The following HSD17B12 variants were observed in gnomAD, a reference collection of about 807,000 sequenced individuals.
HSD17B12 encodes the protein hydroxysteroid 17-beta dehydrogenase 12, also known as very-long-chain 3-oxoacyl-CoA reductase.
HSD17B12 carries 32 observed loss-of-function variants against 39.3 expected under a neutral mutation model. The observed-to-expected ratio is 0.81, with a 90% CI of 0.61 to 1.09. The LOEUF (loss-of-function observed/expected upper bound fraction) is 1.09. Among genes scored for constraint, HSD17B12 ranks in the 50% least tolerant of loss-of-function variants. The pLI, the probability that HSD17B12 is intolerant of heterozygous loss-of-function variation, is 0.00. For missense variants in HSD17B12, 342 were observed against 382.9 expected (o/e 0.89, Z 0.89); for synonymous variants, 150 against 146.7 (o/e 1.02, Z -0.16).
the HSD17B12 span, among the ~76,000 whole-genome samples, chr11:43,567,908 G>A: frequency 1.3e-5 from 2 of 152,086 alleles, no homozygotes; most frequent in Non-Finnish European, 2.9e-5. Context: ...GACCCCCTTA[G>A]TGACCCTCAT....
chr11:43,654,735 G>A, the HSD17B12 span, among the ~76,000 whole-genome samples: 1 of 152,110 alleles, frequency 6.6e-6, no homozygotes, highest in Non-Finnish European at 1.5e-5. Context: ...TGAGGGCTCT[G>A]TTCTGTTCCA....
chr11:43,745,824 A>G (rs1950407088), intron 1 of HSD17B12, among the ~76,000 whole-genome samples: 1 of 152,050 alleles, frequency 6.6e-6, no homozygotes, highest in South Asian at 2.1e-4. Flanking sequence ...TGAGGTTATG[A>G]GTTCAACATA....
chr11:43,678,047 C>A (rs1056297333), upstream of HSD17B12, among the ~76,000 whole-genome samples: 1 of 152,188 alleles, frequency 6.6e-6, no homozygotes, highest in Non-Finnish European at 1.5e-5. Flanking sequence ...ACAGTCCCAC[C>A]AACAGTGTAA....
rs966316796 is a variant in HSD17B12 at position 43,719,217 on chromosome 11, G to A, written c.161-31694G>A. 10 of 647,464 alleles carry A rather than the reference G, an allele frequency of 1.5e-5. No homozygotes were observed. In the African/African-American group the frequency reaches 1.6e-4, roughly 10 times the overall value. The allele number at this position is 647,464 out of a possible 1,614,324, so 40.1% of individuals were successfully genotyped here. On this transcript the variant is annotated intron_variant, in intron 1 of 10. Coordinates refer to ENST00000278353, the MANE Select transcript of HSD17B12 (RefSeq NM_016142.3). The stretch of plus-strand genomic sequence containing the variant: ...CATATACATGCCTCTGTCAATTTCT[G>A]GTTGGGCTGGGAGGCCATATACAGG...
At chr11:43,654,164 C>T in the HSD17B12 span, among the ~76,000 whole-genome samples, 20 of 152,272 alleles carry the variant, frequency 1.3e-4, no homozygotes, top group African/African-American at 3.6e-4. Context: ...AGCATTTTTT[C>T]ATGTGTTTTT....
chr11:43,648,975 G>A, the HSD17B12 span, among the ~76,000 whole-genome samples: 391 of 152,260 alleles, frequency 2.6e-3, no homozygotes, highest in Non-Finnish European at 4.5e-3. Flanking sequence ...CAGGCGTTCC[G>A]CCTGCCTCAG....
intron 1 of HSD17B12, among the ~76,000 whole-genome samples, chr11:43,725,405 A>G (rs913738453): frequency 4.6e-5 from 7 of 152,258 alleles, no homozygotes; most frequent in Admixed American, 2.0e-4. Flanking sequence ...TAATAACAGT[A>G]ATAACAATGA....
the HSD17B12 span, among the ~76,000 whole-genome samples, chr11:43,577,405 G>C: frequency 6.6e-6 from 1 of 152,214 alleles, no homozygotes; most frequent in Admixed American, 6.5e-5. Context: ...TAGATTCGAG[G>C]ATGAGCCAAG....
intron 1 of HSD17B12, among the ~76,000 whole-genome samples, chr11:43,706,456 T>C (rs1273356798): frequency 6.6e-6 from 1 of 152,116 alleles, no homozygotes; most frequent in Non-Finnish European, 1.5e-5. Context: ...GGTAGAAGCA[T>C]TGCTTGAACC....
At chr11:43,788,357 A>G (rs1471145841) in intron 3 of HSD17B12, among the ~76,000 whole-genome samples, 1 of 152,230 alleles carries the variant, frequency 6.6e-6, no homozygotes, top group Non-Finnish European at 1.5e-5. Context: ...ACATTGCCTC[A>G]TATGCAGAAC....
the HSD17B12 span, among the ~76,000 whole-genome samples, chr11:43,654,000 C>T: frequency 6.7e-6 from 1 of 149,372 alleles, no homozygotes; most frequent in Non-Finnish European, 1.5e-5. Flanking sequence ...AACTACTTTA[C>T]GGTCCCACCA....
chr11:43,647,967 T>C, the HSD17B12 span, among the ~76,000 whole-genome samples: 5 of 152,224 alleles, frequency 3.3e-5, no homozygotes, highest in East Asian at 9.6e-4. Flanking sequence ...GGATGATTTT[T>C]ATGGGTAGGA....
At chr11:43,598,471 T>C in the HSD17B12 span, among the ~76,000 whole-genome samples, 1 of 152,092 alleles carries the variant, frequency 6.6e-6, no homozygotes, top group Non-Finnish European at 1.5e-5. Flanking sequence ...CCCATTTCTG[T>C]CCACGCGAGT....
Position 43,816,245 on chromosome 11 carries a change from T to C in HSD17B12, c.457-102T>C, listed in dbSNP as rs189180070. On this transcript the variant is annotated intron_variant, in intron 5 of 10. Transcript: ENST00000278353. ...TCATTTTTCCAAAATCTCTGCAATA[T>C]CTGGGGAAATGTTCAATGCTTCTCT... is the stretch of plus-strand genomic sequence containing the variant. The C allele has an allele frequency of 9.3e-6, 9 of 971,372 alleles. No homozygotes were observed. In the African/African-American group the frequency reaches 1.4e-4, roughly 15 times the overall value. 60.2% of individuals were successfully genotyped at this position (971,372 alleles called of 1,614,324 possible).
At chr11:43,579,648 G>A in the HSD17B12 span, 1 of 152,222 alleles carries the variant, frequency 6.6e-6, no homozygotes, top group Non-Finnish European at 1.5e-5. Flanking sequence ...GGCGGGCGCA[G>A]ACCGCGGAGC....
At chr11:43,617,390 T>G in the HSD17B12 span, among the ~76,000 whole-genome samples, 1 of 151,676 alleles carries the variant, frequency 6.6e-6, no homozygotes. Flanking sequence ...ATGGTAAGAT[T>G]GGGAGGGTGG....
chr11:43,800,328 T>A (rs1199693043), intron 4 of HSD17B12, among the ~76,000 whole-genome samples: 1 of 152,258 alleles, frequency 6.6e-6, no homozygotes. Context: ...AAAATCTTAC[T>A]GCTTCTCTTG....
At chr11:43,719,036 G>T in intron 1 of HSD17B12, 1 of 921,102 alleles carries the variant, frequency 1.1e-6, no homozygotes, top group South Asian at 1.3e-5. Flanking sequence ...TGACATTGAT[G>T]TGGCCAAGGT....
chr11:43,675,296 T>C, the HSD17B12 span, among the ~76,000 whole-genome samples: 1 of 152,192 alleles, frequency 6.6e-6, no homozygotes, highest in African/African-American at 2.4e-5. Context: ...GGTCAGGGAA[T>C]ACCATTCTAA....
Sources: gnomAD v4.1 joint callset for allele counts (sites outside exome capture counted in the v4.1 genomes callset) on GRCh38, gnomAD v4.1.1 for gene constraint, MANE v1.5 for transcripts, NCBI Gene and HGNC (gene_info 2026-07-23, HGNC 2026-07-21) for gene names.